The following FBXO15 variants were observed in gnomAD, a reference collection of about 807,000 sequenced individuals.
FBXO15 encodes F-box only protein 15.
Under a neutral mutation model 49.5 loss-of-function variants are expected in FBXO15, and 30 were observed. The observed-to-expected ratio is 0.61, with a 90% CI of 0.45 to 0.82. The LOEUF (loss-of-function observed/expected upper bound fraction) is 0.82, where lower values mean the gene tolerates loss of function less well. Among genes scored for constraint, FBXO15 ranks in the 40% least tolerant of loss-of-function variants. FBXO15 has a pLI of 0.00. For missense variants in FBXO15, 591 were observed against 631.5 expected (o/e 0.94, Z 0.69); for synonymous variants, 250 against 232.7 (o/e 1.07, Z -0.68).
chr18:74,142,229 G>A (rs747991852), intron 1 of FBXO15, among the ~76,000 whole-genome samples: 19 of 152,230 alleles, frequency 1.2e-4, no homozygotes, highest in Admixed American at 2.6e-4. Flanking sequence ...ATGCTAATTG[G>A]GACATTTTTG....
At chr18:74,091,705 C>T (rs1309012215) in intron 8 of FBXO15, among the ~76,000 whole-genome samples, 1 of 152,198 alleles carries the variant, frequency 6.6e-6, no homozygotes, top group South Asian at 2.1e-4. Flanking sequence ...AGAATGCTGA[C>T]TAAAGGCACT....
At chr18:74,102,714 T>C (rs1343027994) in intron 8 of FBXO15, among the ~76,000 whole-genome samples, 1 of 152,130 alleles carries the variant, frequency 6.6e-6, no homozygotes, top group Non-Finnish European at 1.5e-5. Context: ...CAAATGCCCA[T>C]CAATCAACAA....
At chr18:74,106,044 CA>C (rs1039216995) in intron 8 of FBXO15, among the ~76,000 whole-genome samples, 2 of 151,892 alleles carry the variant, frequency 1.3e-5, no homozygotes, top group African/African-American at 4.8e-5. Context: ...ACAAAATGAA[CA>C]AGAAAAGCTT....
Position 74,143,397 on chromosome 18 carries a change from A to G in FBXO15, c.117-3085T>C, listed in dbSNP as rs116108778. 4.9e-3 allele frequency among the ~76,000 whole-genome samples: 754 copies of G among 152,340 alleles called. 3 individuals are homozygous for G. Among genetic ancestry groups the G allele is most frequent in the African/African-American group, 0.017 (717 of 41,568 alleles). On this transcript the variant is annotated intron_variant, in intron 1 of 9. Transcript: ENST00000419743. ...TAAATGATGATGATTCATGCTGGCT[A>G]TGTTACAAAGAAACAGGCATCCTCA...
intron 8 of FBXO15, chr18:74,097,772 T>C (rs76760413): frequency 0.044 from 6,730 of 152,396 alleles, 205 homozygotes; most frequent in East Asian, 0.12. Context: ...GATGCTCTCT[T>C]AAAAGCACAA....
intron 8 of FBXO15, among the ~76,000 whole-genome samples, chr18:74,115,222 G>C (rs1914177951): frequency 6.6e-6 from 1 of 152,168 alleles, no homozygotes; most frequent in African/African-American, 2.4e-5. Flanking sequence ...CCTCAAAATG[G>C]ATGACTGCAG....
At chr18:74,077,295 G>A (rs1362826440) in intron 9 of FBXO15, among the ~76,000 whole-genome samples, 1 of 152,190 alleles carries the variant, frequency 6.6e-6, no homozygotes, top group Admixed American at 6.5e-5. Flanking sequence ...AAACACTAAG[G>A]TAGGACAGCA....
At chr18:74,091,076 T>C (rs765341406) in intron 8 of FBXO15, among the ~76,000 whole-genome samples, 1 of 152,234 alleles carries the variant, frequency 6.6e-6, no homozygotes, top group Admixed American at 6.5e-5. Context: ...TGGGTGTTCC[T>C]GTGTTGGGTG....
chr18:74,147,560 G>A lies in FBXO15; in HGVS notation c.116+110C>T, dbSNP rs371746770. 231 of 1,297,970 alleles carry A rather than the reference G, an allele frequency of 1.8e-4. 5 individuals are homozygous for A. The East Asian group carries it at 4.5e-3, about 25-fold the overall frequency. 80.4% of individuals were successfully genotyped at this position (1,297,970 alleles called of 1,614,324 possible). A position where few individuals can be genotyped will look rare whatever the true frequency, so the allele number is the denominator to read the frequency against. On this transcript the variant is annotated intron_variant, in intron 1 of 9. Coordinates refer to ENST00000419743, the MANE Select transcript of FBXO15 (RefSeq NM_001142958.2). ...CCATACCCTTCTCACGTTGAAGACG[G>A]CCACGGGCCTTGCGCCAAGCTGGAC...
chr18:74,085,043 T>C (rs115019779), intron 8 of FBXO15, among the ~76,000 whole-genome samples: 102 of 152,130 alleles, frequency 6.7e-4, no homozygotes, highest in African/African-American at 2.4e-3. Flanking sequence ...AGACCCAATA[T>C]AGTGAAGATG....
Position 74,074,091 on chromosome 18 carries a change from C to T in FBXO15, c.1264-361G>A, listed in dbSNP as rs550751364. ...CCAACAACCAGTCAGCGCTTCCGAG[C>T]GTGAGGCACCGCATCACCCTGAGAA... On this transcript the variant is annotated intron_variant, in intron 9 of 9. Transcript: ENST00000419743. The surrounding 1 kb of genome is among the most constrained non-coding windows in gnomAD (Gnocchi z 4.7). Among the ~76,000 whole-genome samples the T allele has an allele frequency of 6.6e-6, 1 of 152,164 alleles. No homozygotes were observed. Among genetic ancestry groups the T allele is most frequent in the Non-Finnish European group, 1.5e-5 (1 of 68,038 alleles).
chr18:74,138,514 C>T (rs1452071648), intron 2 of FBXO15, among the ~76,000 whole-genome samples: 2 of 152,094 alleles, frequency 1.3e-5, no homozygotes, highest in African/African-American at 4.8e-5. Context: ...TTCTCACTGC[C>T]GCAGGTCCTC....
intron 8 of FBXO15, among the ~76,000 whole-genome samples, chr18:74,115,515 C>T (rs1340523853): frequency 6.6e-6 from 1 of 152,154 alleles, no homozygotes; most frequent in South Asian, 2.1e-4. Flanking sequence ...TGGATGACAT[C>T]AAATTGCCAG....
At chr18:74,079,209 C>T (rs1599130671) in intron 9 of FBXO15, among the ~76,000 whole-genome samples, 1 of 152,184 alleles carries the variant, frequency 6.6e-6, no homozygotes, top group African/African-American at 2.4e-5. Flanking sequence ...AAAAGAAAAT[C>T]CATCCATCTG....
chr18:74,130,661 G>A lies in FBXO15; in HGVS notation c.333-3C>T, dbSNP rs1978338386. On this transcript the variant is annotated splice_region_variant and splice_polypyrimidine_tract_variant and intron_variant, in intron 3 of 9. Coordinates refer to ENST00000419743, the MANE Select transcript of FBXO15 (RefSeq NM_001142958.2). The stretch of plus-strand genomic sequence containing the variant: ...AGTAGATTCCGATCCAAATAAAACT[G>A]GAGGGAAAAGAGGAAATATGTTAAC... 1.9e-6 allele frequency: 3 copies of A among 1,609,010 alleles called. No homozygotes were observed. The highest frequency in any genetic ancestry group is 2.5e-6 in the Non-Finnish European group (3 of 1,176,914).
chr18:74,103,427 T>G (rs962609427), intron 8 of FBXO15, among the ~76,000 whole-genome samples: 1 of 150,016 alleles, frequency 6.7e-6, no homozygotes, highest in African/African-American at 2.5e-5. Context: ...CGATTGAAAG[T>G]TGAGCAAGAA....
rs150582635 is a variant in FBXO15 at position 74,091,844 on chromosome 18, G to A, written c.1139-9793C>T. On this transcript the variant is annotated intron_variant, in intron 8 of 9. Coordinates refer to ENST00000419743, the MANE Select transcript of FBXO15 (RefSeq NM_001142958.2). ...CTTTCATTTTGACCTTGGAGAATCC[G>A]ATGACTACATGTCTTGGGGATGGTC... is the stretch of plus-strand genomic sequence containing the variant. Among the ~76,000 whole-genome samples the A allele has an allele frequency of 7.1e-4, 108 of 152,240 alleles. No homozygotes were observed. In the East Asian group the frequency reaches 0.013, roughly 18 times the overall value.
intron 3 of FBXO15, among the ~76,000 whole-genome samples, chr18:74,135,086 T>C (rs542683337): frequency 1.3e-5 from 2 of 152,208 alleles, no homozygotes; most frequent in South Asian, 2.1e-4. Flanking sequence ...CCCTCCAAGA[T>C]ACAATTCTGA....
At chr18:74,084,429 G>C (rs1319972508) in intron 8 of FBXO15, among the ~76,000 whole-genome samples, 1 of 152,238 alleles carries the variant, frequency 6.6e-6, no homozygotes, top group Non-Finnish European at 1.5e-5. Flanking sequence ...AGTGGCAGGG[G>C]CCTGCGCCTC....
Sources: allele counts gnomAD v4.1 joint callset (sites outside exome capture counted in the v4.1 genomes callset), GRCh38; gene constraint gnomAD v4.1.1; non-coding constraint Gnocchi (gnomAD v3.1); transcripts MANE v1.5; gene names NCBI Gene and HGNC (gene_info 2026-07-23, HGNC 2026-07-21).